STK32B: variants seen among roughly 807,000 people sequenced by gnomAD.
STK32B encodes the protein serine/threonine-protein kinase 32B.
A neutral mutation model predicts 52.6 loss-of-function variants in STK32B; 43 were observed. That is an observed-to-expected ratio of 0.82 (90% confidence interval 0.64 to 1.05). The LOEUF (loss-of-function observed/expected upper bound fraction) is 1.05, where lower values mean the gene tolerates loss of function less well. Ranked by LOEUF, STK32B falls within the 50% of genes least tolerant of loss-of-function variation. The pLI is 0.00. For synonymous variants in STK32B, 238 were observed against 204.3 expected, an observed-to-expected ratio of 1.17 and a Z score of -1.41; for missense variants, 621 against 534.6, an observed-to-expected ratio of 1.16 and a Z score of -1.59.
At chr4:5,171,687 T>A (rs184305511) in intron 3 of STK32B, among the ~76,000 whole-genome samples, 3,395 of 119,882 alleles carry the variant, frequency 0.028, 256 homozygotes, top group East Asian at 0.12. Context: ...TGGTACCAGT[T>A]GCATTCTGTC....
At chr4:5,258,275 T>C (rs1726467925) in intron 3 of STK32B, among the ~76,000 whole-genome samples, 1 of 152,244 alleles carries the variant, frequency 6.6e-6, no homozygotes, top group Non-Finnish European at 1.5e-5. Flanking sequence ...AGCCCCAGTG[T>C]GTCACTTACT....
chr4:5,435,363 A>G (rs1713964453), intron 6 of STK32B, among the ~76,000 whole-genome samples: 1 of 152,174 alleles, frequency 6.6e-6, no homozygotes, highest in Non-Finnish European at 1.5e-5. Context: ...CCGGTGAGCC[A>G]GGGCTGCCCC....
chr4:5,393,284 T>G (rs1401885398), intron 4 of STK32B, among the ~76,000 whole-genome samples: 1 of 152,216 alleles, frequency 6.6e-6, no homozygotes, highest in Non-Finnish European at 1.5e-5. Context: ...CCTTTCCATG[T>G]GCCTGGCCCT....
rs137867613 is a variant in STK32B, at chr4:5,134,953, C to A, written c.53-4952C>A. On this transcript the variant is annotated intron_variant, in intron 1 of 11. Coordinates refer to ENST00000282908, the MANE Select transcript of STK32B (RefSeq NM_018401.3). ...TTCATGAATATTGCAATGTTGAAAG[C>A]GTGCTATGAAATTCATTAGAAATAA... 1.3e-3 allele frequency among the ~76,000 whole-genome samples: 200 copies of A among 152,284 alleles called. 4 individuals are homozygous for A. The East Asian group carries it at 0.034, about 26-fold the overall frequency.
intron 1 of STK32B, among the ~76,000 whole-genome samples, chr4:5,093,492 C>T (rs1487824099): frequency 6.6e-6 from 1 of 151,556 alleles, no homozygotes; most frequent in Non-Finnish European, 1.5e-5. Flanking sequence ...TGTTCTCACT[C>T]ATAGGTGGGA....
intron 1 of STK32B, among the ~76,000 whole-genome samples, chr4:5,082,930 A>T (rs756511350): frequency 6.6e-6 from 1 of 152,140 alleles, no homozygotes; most frequent in Non-Finnish European, 1.5e-5. Flanking sequence ...CTTTCCATTG[A>T]TTGGTATTTT....
At chr4:5,352,129 C>T (rs1733866833) in intron 4 of STK32B, among the ~76,000 whole-genome samples, 1 of 151,998 alleles carries the variant, frequency 6.6e-6, no homozygotes, top group African/African-American at 2.4e-5. Context: ...CAAAACCAGA[C>T]AAGGATACAG....
chr4:5,049,045 C>T (rs752142517), upstream of STK32B, among the ~76,000 whole-genome samples: 52 of 152,214 alleles, frequency 3.4e-4, no homozygotes, highest in Non-Finnish European at 8.8e-5. Context: ...TAATTCCAGC[C>T]GTGTGGAACA....
intron 3 of STK32B, among the ~76,000 whole-genome samples, chr4:5,216,809 T>C (rs934505342): frequency 3.3e-5 from 5 of 152,112 alleles, no homozygotes; most frequent in African/African-American, 1.2e-4. Flanking sequence ...TTAAACCAGG[T>C]GTGGTGGGTG....
At chr4:5,286,863 T>A (rs544391346) in intron 3 of STK32B, among the ~76,000 whole-genome samples, 1 of 148,232 alleles carries the variant, frequency 6.7e-6, no homozygotes, top group South Asian at 2.1e-4. Context: ...AGTGACGCGA[T>A]CTTGGCTCAC....
intron 3 of STK32B, among the ~76,000 whole-genome samples, chr4:5,277,763 A>G (rs955321271): frequency 1.3e-5 from 2 of 152,172 alleles, no homozygotes; most frequent in Non-Finnish European, 2.9e-5. Flanking sequence ...TTTCTTTCAT[A>G]TCTGAAATGG....
chr4:5,100,819 C>CCT (rs1399012679), intron 1 of STK32B, among the ~76,000 whole-genome samples: 1 of 131,454 alleles, frequency 7.6e-6, no homozygotes, highest in Non-Finnish European at 1.6e-5. Context: ...CCTTCCTTCC[C>CCT]TCCTTTCCTT....
chr4:5,354,264 T>A (rs903202925), intron 4 of STK32B, among the ~76,000 whole-genome samples: 37 of 151,934 alleles, frequency 2.4e-4, no homozygotes, highest in African/African-American at 8.7e-4. Flanking sequence ...TGAAGAAAAA[T>A]AGATCTATGT....
chr4:5,496,166 G>A (rs1391345941), intron 11 of STK32B, among the ~76,000 whole-genome samples: 1 of 152,210 alleles, frequency 6.6e-6, no homozygotes, highest in Non-Finnish European at 1.5e-5. Flanking sequence ...GTTTGTCTGT[G>A]CCCTGCCCCC....
intron 11 of STK32B, among the ~76,000 whole-genome samples, chr4:5,495,114 T>C (rs569716750): frequency 2.0e-5 from 3 of 152,190 alleles, no homozygotes; most frequent in South Asian, 4.1e-4. Context: ...TGAATCTGAA[T>C]GTTGGCCTGC....
chr4:5,413,358 G>C (rs75765074), intron 5 of STK32B, among the ~76,000 whole-genome samples: 5,023 of 152,220 alleles, frequency 0.033, 248 homozygotes, highest in African/African-American at 0.12. Context: ...AGTGGAATCA[G>C]GCTTCAGGCA....
At position 5,371,018 on chromosome 4, in the gene STK32B, ATATG is replaced by A. The variant is rs1735200368; in HGVS notation, c.435-27187_435-27184del. The stretch of plus-strand genomic sequence containing the variant: ...TGTGTATATATATATATATGTATAT[ATATG>A]TGTATATATATGTATATATATGTGT... On this transcript the variant is annotated intron_variant, in intron 4 of 11. Transcript: ENST00000282908. 1.0e-4 allele frequency among the ~76,000 whole-genome samples: 15 copies of A among 150,386 alleles called. No individual in the cohort carries two copies. The South Asian group carries it at 3.1e-3, about 32-fold the overall frequency.
Position 5,364,474 on chromosome 4 carries a change from G to A in STK32B, c.434+33081G>A, listed in dbSNP as rs61539050. Among the ~76,000 whole-genome samples the A allele has an allele frequency of 5.5e-3, 840 of 152,306 alleles. 12 individuals carry two copies. The highest frequency in any genetic ancestry group is 0.019 in the African/African-American group (773 of 41,558). On this transcript the variant is annotated intron_variant, in intron 4 of 11. Transcript: ENST00000282908. ...AAACCCCCACTGCCTGTGTCCAGCT[G>A]GGCCATTACAGTGGAAGGGGGTTTC...
intron 6 of STK32B, among the ~76,000 whole-genome samples, chr4:5,433,774 A>G (rs1713796134): frequency 6.6e-6 from 1 of 152,182 alleles, no homozygotes; most frequent in Non-Finnish European, 1.5e-5. Context: ...CACAGAGCTC[A>G]CTGCAGCAGG....
Sources: gnomAD v4.1 joint callset for allele counts (sites outside exome capture counted in the v4.1 genomes callset) on GRCh38, gnomAD v4.1.1 for gene constraint, MANE v1.5 for transcripts, NCBI Gene and HGNC (gene_info 2026-07-23, HGNC 2026-07-21) for gene names.